Variants in SETD2 observed in about 807,000 individuals in gnomAD.
SETD2 encodes SET domain containing 2, histone lysine methyltransferase.
A neutral mutation model predicts 242.1 loss-of-function variants in SETD2; 31 were observed. That is an observed-to-expected ratio of 0.13 (90% confidence interval 0.10 to 0.17). SETD2 has a LOEUF of 0.17. Ranked by LOEUF, SETD2 falls within the 10% of genes least tolerant of loss-of-function variation. The pLI is 1.00. For synonymous variants in SETD2, 1,006 were observed against 1,066.5 expected (o/e 0.94, Z 1.11); for missense variants, 2,481 against 3,046.3 (o/e 0.81, Z 4.37).
rs527871689 is a variant in SETD2 at position 47,131,764 on chromosome 3, CT to C, written c.72-5102del. Among the ~76,000 whole-genome samples, 1,267 of 138,678 alleles carry C rather than the reference CT, an allele frequency of 9.1e-3. 8 individuals carry two copies. Among genetic ancestry groups the C allele is most frequent in the East Asian group, 0.021 (100 of 4,762 alleles). The allele number at this position is 138,678 out of a possible 152,430, so 91.0% of individuals were successfully genotyped here. A position where few individuals can be genotyped will look rare whatever the true frequency, so the allele number is the denominator to read the frequency against. The stretch of plus-strand genomic sequence containing the variant: ...GCAACTATTGTTAAGTTTGCATATT[CT>C]TTTTTTTTTTTTTTAATTTACTTAT... On this transcript the variant is annotated intron_variant, in intron 1 of 20. Transcript: ENST00000409792.
intron 18 of SETD2, among the ~76,000 whole-genome samples, chr3:47,028,337 T>C (rs1214704445): frequency 6.6e-6 from 1 of 152,106 alleles, no homozygotes; most frequent in Non-Finnish European, 1.5e-5. Flanking sequence ...GAATTTAGAG[T>C]ATCTGAGATA....
In SETD2 at chr3:47,124,359, C is replaced by T. The variant is rs2043240022; in HGVS notation, c.277G>A (p.Gly93Ser). ...TLQNRFLTAL[G>S]NEKQSDTPNP... ...GGAGTATCACTTTGCTTTTCATTGC[C>T]AAGTGCAGTGAGAAACCTATTCTGC... Residue 93 changes from glycine to serine, a missense_variant, in exon 3 of 21, where the codon GGC becomes AGC. Physicochemically the swap from Gly to Ser is moderately conservative, Grantham distance 56. Coordinates refer to ENST00000409792, the MANE Select transcript of SETD2 (RefSeq NM_014159.7). The T allele has an allele frequency of 5.2e-6, 8 of 1,551,620 alleles. No individual in the cohort carries two copies. Among genetic ancestry groups the T allele is most frequent in the Non-Finnish European group, 7.0e-6 (8 of 1,146,948 alleles).
intron 7 of SETD2, among the ~76,000 whole-genome samples, chr3:47,102,212 A>G (rs1168844587): frequency 6.6e-6 from 1 of 152,202 alleles, no homozygotes; most frequent in African/African-American, 2.4e-5. Context: ...TACTAATGAA[A>G]ACTCTGGACT....
At chr3:47,018,823 C>CA (rs151174976) in intron 19 of SETD2, among the ~76,000 whole-genome samples, 61 of 152,310 alleles carry the variant, frequency 4.0e-4, no homozygotes, top group Non-Finnish European at 5.9e-4. Context: ...TGCTATAGCC[C>CA]ATCAGGCCAC....
At chr3:47,040,005 C>T (rs1008248267) in intron 17 of SETD2, among the ~76,000 whole-genome samples, 1 of 151,500 alleles carries the variant, frequency 6.6e-6, no homozygotes, top group African/African-American at 2.4e-5. Context: ...GAGATAGAGT[C>T]TCACTCTGTC....
chr3:47,019,363 A>C (rs2038117546), intron 19 of SETD2, among the ~76,000 whole-genome samples: 1 of 152,188 alleles, frequency 6.6e-6, no homozygotes, highest in African/African-American at 2.4e-5. Context: ...AAATGAGTCA[A>C]TGGGTACTGA....
At chr3:47,035,886 G>A (rs2038974215) in intron 18 of SETD2, among the ~76,000 whole-genome samples, 1 of 152,196 alleles carries the variant, frequency 6.6e-6, no homozygotes, top group South Asian at 2.1e-4. Context: ...CAAGTGCCTA[G>A]CAGTCTTGGG....
intron 19 of SETD2, among the ~76,000 whole-genome samples, chr3:47,018,702 C>A (rs762548444): frequency 2.6e-5 from 4 of 152,186 alleles, no homozygotes; most frequent in Non-Finnish European, 5.9e-5. Context: ...GATTTCATTA[C>A]CCCCTGCTTA....
intron 13 of SETD2, among the ~76,000 whole-genome samples, chr3:47,064,936 G>T (rs573894228): frequency 6.6e-6 from 1 of 151,988 alleles, no homozygotes. Flanking sequence ...TCCCTGAAAA[G>T]ATATAGTTGT....
chr3:47,109,109 G>A (rs1385688863), intron 5 of SETD2, among the ~76,000 whole-genome samples: 1 of 152,130 alleles, frequency 6.6e-6, no homozygotes, highest in Non-Finnish European at 1.5e-5. Flanking sequence ...TGGCAGGTGG[G>A]TGGGGACAGA....
At position 47,062,371 on chromosome 3, in the gene SETD2, G is replaced by GT. The variant is rs10589946; in HGVS notation, c.6110-26dup. ...GCTAAGGGAAAAGGGTGGTTTGTTT[G>GT]TTTTTTTTTTTTTTAAGTTTATTTG... On this transcript the variant is annotated intron_variant, in intron 13 of 20. Coordinates refer to ENST00000409792, the MANE Select transcript of SETD2 (RefSeq NM_014159.7). 39,118 of 1,341,314 alleles carry GT rather than the reference G, an allele frequency of 0.029. No individual in the cohort carries two copies. The highest frequency in any genetic ancestry group is 0.033 in the Middle Eastern group (162 of 4,962). 83.1% of individuals were successfully genotyped at this position (1,341,314 alleles called of 1,614,324 possible). A position where few individuals can be genotyped will look rare whatever the true frequency, so the allele number is the denominator to read the frequency against.
chr3:47,140,824 T>C (rs56328618), intron 1 of SETD2, among the ~76,000 whole-genome samples: 14 of 152,176 alleles, frequency 9.2e-5, no homozygotes, highest in African/African-American at 3.4e-4. Flanking sequence ...GATTGCGCCA[T>C]TGCACTCCAG....
At chr3:47,164,153 C>A (rs192102668), upstream of SETD2, among the ~76,000 whole-genome samples, 1 of 152,240 alleles carries the variant, frequency 6.6e-6, no homozygotes, top group Admixed American at 6.5e-5. The surrounding 1 kb of genome is among the most constrained non-coding windows in gnomAD (Gnocchi z 5.4). Context: ...ACACCCCACC[C>A]GCCCCTCAGC....
At chr3:47,036,309 C>T (rs945691577) in intron 18 of SETD2, among the ~76,000 whole-genome samples, 1 of 152,144 alleles carries the variant, frequency 6.6e-6, no homozygotes, top group Non-Finnish European at 1.5e-5. Context: ...AATCCCAACA[C>T]TTTGGGAGGC....
At chr3:47,061,873 C>G (rs984784085) in intron 14 of SETD2, among the ~76,000 whole-genome samples, 2 of 152,174 alleles carry the variant, frequency 1.3e-5, no homozygotes, top group African/African-American at 4.8e-5. Flanking sequence ...TTATCTCCCA[C>G]CAACCCCCAT....
intron 1 of SETD2, among the ~76,000 whole-genome samples, chr3:47,142,949 C>A (rs1194968178): frequency 1.3e-5 from 2 of 151,994 alleles, no homozygotes; most frequent in East Asian, 3.9e-4. Context: ...GGATTACAGG[C>A]GTGAGCCACT....
chr3:47,031,607 C>T (rs2107518071), intron 18 of SETD2, among the ~76,000 whole-genome samples: 1 of 152,152 alleles, frequency 6.6e-6, no homozygotes, highest in South Asian at 2.1e-4. Flanking sequence ...ATGAAGAGTG[C>T]TGGAAATGGT....
chr3:47,058,397 C>T (rs894184424), intron 14 of SETD2, among the ~76,000 whole-genome samples: 5 of 139,656 alleles, frequency 3.6e-5, no homozygotes, highest in Non-Finnish European at 6.0e-5. Context: ...GCTGAGACTA[C>T]GCCACTGCAC....
intron 6 of SETD2, among the ~76,000 whole-genome samples, chr3:47,104,891 T>C (rs982896852): frequency 4.6e-5 from 7 of 152,150 alleles, no homozygotes; most frequent in Admixed American, 1.3e-4. Flanking sequence ...TCTGAGCCCT[T>C]GGAGCAGCTG....
Sources: gnomAD v4.1 joint callset for allele counts (sites outside exome capture counted in the v4.1 genomes callset) on GRCh38, gnomAD v4.1.1 for gene constraint, Gnocchi (gnomAD v3.1) non-coding constraint, MANE v1.5 for transcripts, NCBI Gene and HGNC (gene_info 2026-07-23, HGNC 2026-07-21) for gene names.